Variants in ACTN2 observed in about 807,000 individuals in gnomAD.
ACTN2 encodes the protein actinin alpha 2.
In ACTN2, 39 loss-of-function variants were observed where a neutral mutation model predicts 113.8. That is an observed-to-expected ratio of 0.34 (90% CI 0.27 to 0.45). The LOEUF is 0.45. ACTN2 is among the 20% of genes least tolerant of loss of function. ACTN2 has a pLI of 1.00. For missense variants in ACTN2, 992 were observed against 1,177.9 expected (o/e 0.84, Z 2.31); for synonymous variants, 429 against 444.1 (o/e 0.97, Z 0.43).
rs752552408 is a variant in ACTN2, at chr1:236,754,059, C to T, written c.1952C>T (p.Pro651Leu). Reference sequence around the variant, plus strand: ...GCTGCCCAAGCCAATGCCATTGGGCCCTGGATCCAGAACAAGATGGAGGTA... The same window carrying T: ...GCTGCCCAAGCCAATGCCATTGGGCTCTGGATCCAGAACAAGATGGAGGTA... ...QFAAQANAIGPWIQNKMEEIA... is the reference protein window; with the variant it reads ...QFAAQANAIGLWIQNKMEEIA... Residue 651 changes from proline to leucine, a missense_variant, in exon 16 of 21, where the codon CCC becomes CTC. Physicochemically the swap from Pro to Leu is moderately conservative, Grantham distance 98. Transcript: ENST00000366578. The surrounding 1 kb of genome is among the most constrained non-coding windows in gnomAD (Gnocchi z 4.9). 3.1e-6 allele frequency: 5 copies of T among 1,614,094 alleles called. No individual in the cohort carries two copies. The highest frequency in any genetic ancestry group is 4.2e-6 in the Non-Finnish European group (5 of 1,180,042).
chr1:236,737,852 G>A (rs559599177), intron 9 of ACTN2, among the ~76,000 whole-genome samples: 3 of 152,282 alleles, frequency 2.0e-5, no homozygotes, highest in South Asian at 4.1e-4. Context: ...CATACGTAGC[G>A]ACTACGCAGT....
At chr1:236,716,035 A>G (rs1372140649) in intron 1 of ACTN2, among the ~76,000 whole-genome samples, 2 of 152,140 alleles carry the variant, frequency 1.3e-5, no homozygotes, top group East Asian at 1.9e-4. Flanking sequence ...GCTTAGACAT[A>G]ATTGTTAGTT....
intron 1 of ACTN2, among the ~76,000 whole-genome samples, chr1:236,696,317 CA>C (rs11317690): frequency 0.88 from 112,695 of 128,416 alleles, 48,997 homozygotes; most frequent in Non-Finnish European, 0.91. Flanking sequence ...GACTCTGTCT[CA>C]AAAAAAAAAA....
At chr1:236,708,725 A>C (rs896596534) in intron 1 of ACTN2, among the ~76,000 whole-genome samples, 5 of 152,142 alleles carry the variant, frequency 3.3e-5, no homozygotes, top group African/African-American at 9.7e-5. Flanking sequence ...GGGGATTGAG[A>C]CGCTCTGTAG....
chr1:236,689,312 TATATATATATATATATATATATATATAC>T, intron 1 of ACTN2, among the ~76,000 whole-genome samples: 1 of 31,518 alleles, frequency 3.2e-5, no homozygotes, highest in Non-Finnish European at 7.6e-5. Context: ...TATATATATA[TATATATATATATATATATATATATATAC>T]ACACACATAT....
chr1:236,696,761 G>C (rs997389539), intron 1 of ACTN2, among the ~76,000 whole-genome samples: 3 of 151,432 alleles, frequency 2.0e-5, no homozygotes, highest in African/African-American at 7.3e-5. Flanking sequence ...CGCCTCCCGG[G>C]TTCAAGCGAT....
chr1:236,693,812 G>C (rs76195850), intron 1 of ACTN2, among the ~76,000 whole-genome samples: 1,597 of 152,220 alleles, frequency 0.01, 25 homozygotes, highest in African/African-American at 0.037. Context: ...ACACAAGCCT[G>C]GTTGTGATAT....
chr1:236,730,749 G>T (rs1310228429), intron 6 of ACTN2, among the ~76,000 whole-genome samples: 4 of 151,828 alleles, frequency 2.6e-5, no homozygotes, highest in Admixed American at 1.3e-4. Context: ...CATGAGTTTT[G>T]CCCTTTGTAA....
At chr1:236,747,144 A>G (rs1198493320) in intron 12 of ACTN2, among the ~76,000 whole-genome samples, 1 of 152,202 alleles carries the variant, frequency 6.6e-6, no homozygotes, top group Admixed American at 6.5e-5. Flanking sequence ...GGGCCTCTCC[A>G]AGAAAAGGAA....
chr1:236,720,052 T>G, intron 3 of ACTN2, 53 bp from the exon 4 acceptor site: 4 of 1,284,952 alleles, frequency 3.1e-6, no homozygotes, highest in African/African-American at 1.4e-5. Flanking sequence ...AGGAAAAAAG[T>G]TACGTACAGA....
At chr1:236,709,332 A>G (rs577889289) in intron 1 of ACTN2, among the ~76,000 whole-genome samples, 140 of 137,494 alleles carry the variant, frequency 1.0e-3, no homozygotes, top group Non-Finnish European at 1.7e-3. Flanking sequence ...ATATACATGT[A>G]TATATATACG....
At chr1:236,758,053 A>G (rs1005169310) in intron 18 of ACTN2, among the ~76,000 whole-genome samples, 10 of 152,144 alleles carry the variant, frequency 6.6e-5, no homozygotes, top group African/African-American at 2.2e-4. Context: ...TATAAAACTC[A>G]GTTTTCTGTT....
intron 1 of ACTN2, among the ~76,000 whole-genome samples, chr1:236,701,085 C>T (rs10465610): frequency 0.48 from 73,028 of 151,944 alleles, 19,848 homozygotes; most frequent in Non-Finnish European, 0.62. Context: ...CAGGTTTGTC[C>T]GGGACAATCC....
rs746991314 is a variant in ACTN2, at chr1:236,762,549, C to A, written c.2615C>A (p.Pro872Gln). The change falls in exon 21 of 21, where the codon CCA becomes CAA. Residue 872 changes from proline to glutamine, a missense_variant. Physicochemically the swap from Pro to Gln is moderately conservative, Grantham distance 76. Around this residue, in one of 3 missense-constraint regions of ACTN2, gnomAD observed 736 missense variants for 815.4 expected, o/e 0.90. Transcript: ENST00000366578. ...CIKRMPAYSGPGSVPGALDYA... is the reference protein window; with the variant it reads ...CIKRMPAYSGQGSVPGALDYA... ...AAGAGGATGCCCGCCTACTCGGGCC[C>A]AGGCAGTGTGCCTGGTGCACTGGAT... 5.6e-6 allele frequency: 9 copies of A among 1,614,180 alleles called. No homozygotes were observed. The highest frequency in any genetic ancestry group is 1.1e-5 in the South Asian group (1 of 91,080).
chr1:236,715,524 C>T (rs778334803), intron 1 of ACTN2, among the ~76,000 whole-genome samples: 2 of 151,926 alleles, frequency 1.3e-5, no homozygotes, highest in African/African-American at 2.4e-5. Context: ...ATACTACTAG[C>T]CATATGTGGC....
chr1:236,724,229 G>A (rs1658481467), intron 4 of ACTN2, among the ~76,000 whole-genome samples: 1 of 152,122 alleles, frequency 6.6e-6, no homozygotes, highest in Non-Finnish European at 1.5e-5. Context: ...GCTCCCTGGT[G>A]TCTCTCTCAT....
At chr1:236,762,130 CT>C (rs1216972429) in intron 20 of ACTN2, among the ~76,000 whole-genome samples, 1 of 151,770 alleles carries the variant, frequency 6.6e-6, no homozygotes, top group Non-Finnish European at 1.5e-5. Flanking sequence ...TCCCACTGAA[CT>C]TTTTTTTTAA....
intron 4 of ACTN2, among the ~76,000 whole-genome samples, chr1:236,720,468 T>C (rs1387993111): frequency 1.3e-5 from 2 of 152,234 alleles, no homozygotes; most frequent in Non-Finnish European, 2.9e-5. Context: ...TTGCTTATTA[T>C]ACTAGTAAAT....
chr1:236,694,203 A>AT (rs112284532), intron 1 of ACTN2, among the ~76,000 whole-genome samples: 2,008 of 134,624 alleles, frequency 0.015, 70 homozygotes, highest in Admixed American at 0.082. Context: ...CTGCACTGAC[A>AT]TTTTTTTTTT....
Sources: gnomAD v4.1 joint callset for allele counts (sites outside exome capture counted in the v4.1 genomes callset) on GRCh38, gnomAD v4.1.1 for gene constraint, gnomAD v4.1.1 regional missense constraint, Gnocchi (gnomAD v3.1) non-coding constraint, MANE v1.5 for transcripts, NCBI Gene and HGNC (gene_info 2026-07-23, HGNC 2026-07-21) for gene names.